The following KALRN variants were observed in gnomAD, a reference collection of about 807,000 sequenced individuals.
The protein encoded by KALRN is kalirin.
Under a neutral mutation model 353.7 loss-of-function variants are expected in KALRN, and 70 were observed. The observed-to-expected ratio is 0.20, with a 90% CI of 0.16 to 0.24. The LOEUF (loss-of-function observed/expected upper bound fraction) is 0.24. KALRN is among the 10% of genes least tolerant of loss of function. The pLI is 1.00. For missense variants in KALRN, 2,791 were observed against 3,756.7 expected, an observed-to-expected ratio of 0.74 and a Z score of 6.72; for synonymous variants, 1,391 against 1,434.8, an observed-to-expected ratio of 0.97 and a Z score of 0.69.
intron 45 of KALRN, among the ~76,000 whole-genome samples, chr3:124,663,737 GT>G (rs1428195239): frequency 6.6e-6 from 1 of 151,698 alleles, no homozygotes; most frequent in Non-Finnish European, 1.5e-5. Context: ...TAAATGGCTT[GT>G]TTTTTGTTTT....
At chr3:124,690,683 T>A (rs1266742055) in intron 51 of KALRN, among the ~76,000 whole-genome samples, 2 of 152,224 alleles carry the variant, frequency 1.3e-5, no homozygotes, top group African/African-American at 4.8e-5. Flanking sequence ...ACACTTCACT[T>A]CCCTATCTCA....
rs16835246 is a variant in KALRN, at chr3:124,269,361, A to T, written c.969+106A>T. The T allele has an allele frequency of 1.8e-3, 2,169 of 1,236,268 alleles. 55 individuals carry two copies. In the Admixed American group the frequency reaches 0.043, roughly 24 times the overall value. The allele number at this position is 1,236,268 out of a possible 1,614,324, so 76.6% of individuals were successfully genotyped here. A position where few individuals can be genotyped will look rare whatever the true frequency, so the allele number is the denominator to read the frequency against. ...TAGTACTTTCCTGGAAAGCTTTAAA[A>T]CAGTGTGCCTACTAGTTTTAGCTAA... is the stretch of plus-strand genomic sequence containing the variant. On this transcript the variant is annotated intron_variant, in intron 5 of 59. Coordinates refer to ENST00000682506, the MANE Select transcript of KALRN (RefSeq NM_001388419.1).
chr3:124,119,674 T>A (rs190676698), intron 1 of KALRN, among the ~76,000 whole-genome samples: 8 of 152,302 alleles, frequency 5.3e-5, no homozygotes, highest in Middle Eastern at 6.8e-3. Flanking sequence ...TGAAGCATGG[T>A]CTAGCATTGT....
chr3:124,086,412 A>T (rs2060827213), intron 1 of KALRN, among the ~76,000 whole-genome samples: 1 of 150,974 alleles, frequency 6.6e-6, no homozygotes, highest in African/African-American at 2.4e-5. Flanking sequence ...CTTACTTAAC[A>T]TTTCCCTGAT....
intron 28 of KALRN, among the ~76,000 whole-genome samples, chr3:124,484,328 G>A (rs1013468159): frequency 2.0e-5 from 3 of 152,144 alleles, no homozygotes; most frequent in Non-Finnish European, 2.9e-5. Flanking sequence ...GAGTGGGGCC[G>A]TGCCACATCA....
chr3:124,124,521 GA>G (rs1350552167), intron 1 of KALRN, among the ~76,000 whole-genome samples: 2 of 152,214 alleles, frequency 1.3e-5, no homozygotes, highest in Non-Finnish European at 2.9e-5. Context: ...GTTTTGAGAG[GA>G]TTCACTCCAG....
chr3:124,552,180 A>C (rs2070622506), intron 33 of KALRN, among the ~76,000 whole-genome samples: 1 of 152,236 alleles, frequency 6.6e-6, no homozygotes, highest in South Asian at 2.1e-4. Flanking sequence ...AGAGACAGTG[A>C]CCAGGAGTAT....
At chr3:124,414,519 C>G (rs2092387814) in intron 14 of KALRN, among the ~76,000 whole-genome samples, 1 of 152,158 alleles carries the variant, frequency 6.6e-6, no homozygotes, top group Admixed American at 6.5e-5. Flanking sequence ...CTCAGAAAAA[C>G]ACGGCTGAGT....
At chr3:124,043,042 C>A (rs1358815524) in intron 1 of KALRN, among the ~76,000 whole-genome samples, 1 of 152,156 alleles carries the variant, frequency 6.6e-6, no homozygotes, top group African/African-American at 2.4e-5. Flanking sequence ...GAGAGCAATA[C>A]TTGGGAAACA....
chr3:124,089,320 A>G (rs898071079), intron 1 of KALRN, among the ~76,000 whole-genome samples: 27 of 152,234 alleles, frequency 1.8e-4, no homozygotes, highest in African/African-American at 6.5e-4. Flanking sequence ...GGTTCACAGG[A>G]GGGCTCTGCC....
intron 34 of KALRN, among the ~76,000 whole-genome samples, chr3:124,568,395 A>G (rs575419686): frequency 3.9e-5 from 6 of 152,368 alleles, no homozygotes; most frequent in South Asian, 2.1e-4. Flanking sequence ...ACCCTTGTAC[A>G]CTGCTGGTGG....
chr3:124,585,334 G>C (rs934378873), intron 34 of KALRN, among the ~76,000 whole-genome samples: 2 of 152,186 alleles, frequency 1.3e-5, no homozygotes, highest in Non-Finnish European at 2.9e-5. Flanking sequence ...CTGGCTACAG[G>C]AATGTGTTTG....
intron 1 of KALRN, among the ~76,000 whole-genome samples, chr3:124,205,396 C>A (rs1039895679): frequency 6.6e-6 from 1 of 152,168 alleles, no homozygotes; most frequent in Non-Finnish European, 1.5e-5. Context: ...AAATCGCTCT[C>A]GCAGCTCCTA....
chr3:124,333,079 A>C (rs1560590535), intron 8 of KALRN, among the ~76,000 whole-genome samples: 1 of 152,226 alleles, frequency 6.6e-6, no homozygotes, highest in Admixed American at 6.5e-5. Flanking sequence ...GTGGCAGTCA[A>C]GAGAGTGAGT....
chr3:124,480,911 T>C (rs2061921421), intron 27 of KALRN, among the ~76,000 whole-genome samples: 1 of 152,232 alleles, frequency 6.6e-6, no homozygotes, highest in Admixed American at 6.5e-5. Flanking sequence ...CCAAATAATA[T>C]TTCATTGTAT....
At chr3:124,084,939 G>T (rs983098815) in intron 1 of KALRN, among the ~76,000 whole-genome samples, 1 of 152,088 alleles carries the variant, frequency 6.6e-6, no homozygotes, top group Non-Finnish European at 1.5e-5. Context: ...CACCTGTGAG[G>T]GCCCCCTTCC....
At chr3:124,592,711 G>C (rs1222305931) in intron 34 of KALRN, among the ~76,000 whole-genome samples, 1 of 152,132 alleles carries the variant, frequency 6.6e-6, no homozygotes. Flanking sequence ...TCCCTTGTAG[G>C]TGAGGCCCAC....
chr3:124,614,844 T>G (rs931602976), intron 34 of KALRN, among the ~76,000 whole-genome samples: 1 of 152,182 alleles, frequency 6.6e-6, no homozygotes, highest in African/African-American at 2.4e-5. Context: ...AATGTTGAGA[T>G]TACTGGCATG....
intron 1 of KALRN, chr3:124,095,004 G>C (rs955402946): frequency 8.8e-7 from 1 of 1,136,802 alleles, no homozygotes; most frequent in African/African-American, 1.5e-5. Context: ...AGAGGGGAGG[G>C]GGGTCAAGAA....
Sources: allele counts gnomAD v4.1 joint callset (sites outside exome capture counted in the v4.1 genomes callset), GRCh38; gene constraint gnomAD v4.1.1; transcripts MANE v1.5; gene names NCBI Gene and HGNC (gene_info 2026-07-23, HGNC 2026-07-21).